SLC25A15: variants seen among roughly 807,000 people sequenced by gnomAD.
The protein encoded by SLC25A15 is solute carrier family 25 member 15, also known as mitochondrial ornithine transporter 1.
SLC25A15 carries 24 observed loss-of-function variants against 32.3 expected under a neutral mutation model. The observed-to-expected ratio is 0.74, with a 90% CI of 0.54 to 1.04. SLC25A15 has a LOEUF of 1.04. SLC25A15 is among the 50% of genes least tolerant of loss of function. The pLI, the probability that SLC25A15 is intolerant of heterozygous loss-of-function variation, is 0.00. For synonymous variants in SLC25A15, 132 were observed against 142.1 expected (o/e 0.93, Z 0.51); for missense variants, 317 against 374.5 (o/e 0.85, Z 1.27).
At chr13:40,805,599 G>A (rs1036642406) in intron 4 of SLC25A15, among the ~76,000 whole-genome samples, 2 of 152,158 alleles carry the variant, frequency 1.3e-5, no homozygotes, top group African/African-American at 4.8e-5. Flanking sequence ...TTAGACCTGA[G>A]CCTTCATAAG....
intron 4 of SLC25A15, among the ~76,000 whole-genome samples, chr13:40,806,922 A>T (rs1281540273): frequency 6.6e-6 from 1 of 152,246 alleles, no homozygotes; most frequent in East Asian, 1.9e-4. Flanking sequence ...ACTTGTTCTC[A>T]GAATTTGTCT....
chr13:40,808,153 C>T (rs911350127), intron 5 of SLC25A15, among the ~76,000 whole-genome samples: 1 of 152,222 alleles, frequency 6.6e-6, no homozygotes, highest in African/African-American at 2.4e-5. Flanking sequence ...CCTGCTGGTT[C>T]GTGTGGGCCA....
chr13:40,799,291 G>C lies in SLC25A15; in HGVS notation c.290G>C (p.Gly97Ala), dbSNP rs1362099592. 6.2e-7 allele frequency: 1 copy of C among 1,614,158 alleles called. No homozygotes were observed. Among genetic ancestry groups the C allele is most frequent in the African/African-American group, 1.3e-5 (1 of 75,018 alleles). ...CAGCAGGTGGTGCGGAAAGTGGCTG[G>C]ATTGGACAAGCAGGCAAAGCTGAGG... ...FCQQVVRKVA[G>A]LDKQAKLSDL... Residue 97 changes from glycine to alanine, a missense_variant, in exon 3 of 7, where the codon GGA becomes GCA. Coordinates refer to ENST00000338625, the MANE Select transcript of SLC25A15 (RefSeq NM_014252.4).
At chr13:40,789,882 CTTG>C (rs1479413852) in intron 1 of SLC25A15, among the ~76,000 whole-genome samples, 1 of 152,148 alleles carries the variant, frequency 6.6e-6, no homozygotes, top group Non-Finnish European at 1.5e-5. Context: ...AACTTTTGTC[CTTG>C]TTTGCCCCCA....
intron 3 of SLC25A15, among the ~76,000 whole-genome samples, chr13:40,803,220 C>T (rs4941993): frequency 1.1e-4 from 14 of 127,410 alleles, no homozygotes; most frequent in African/African-American, 3.5e-4. Flanking sequence ...TCCCCGTATT[C>T]GTTTTTTTTT....
Position 40,805,172 on chromosome 13 carries a change from G to T in SLC25A15, c.369G>T (p.Val123=), listed in dbSNP as rs1882121931. ...GSFASAFAAL[V]LCPTELVKCR... ...TCGCCTCTGCCTTTGCTGCACTGGT[G>T]CTCTGCCCCACGGAGCTCGTGAAGT... is the stretch of plus-strand genomic sequence containing the variant. Residue 123 remains valine, a synonymous_variant, in exon 4 of 7, where the codon GTG becomes GTT. Coordinates refer to ENST00000338625, the MANE Select transcript of SLC25A15 (RefSeq NM_014252.4). 1.2e-6 allele frequency: 2 copies of T among 1,614,078 alleles called. No individual in the cohort carries two copies.
At position 40,809,868 on chromosome 13, in the gene SLC25A15, A is replaced by ACATAGAATAGTCATAG. The variant is rs1196069414; in HGVS notation, c.*201_*202insCATAGAATAGTCATAG. ...ATCATTTCTGTCCATAATTGTACTG[A>ACATAGAATAGTCATAG]AATAGAAAAGTGACCGCTCTTGCTC... On this transcript the variant is annotated 3_prime_UTR_variant, in exon 7 of 7. Coordinates refer to ENST00000338625, the MANE Select transcript of SLC25A15 (RefSeq NM_014252.4). 3.3e-5 allele frequency: 20 copies of ACATAGAATAGTCATAG among 598,274 alleles called. No homozygotes were observed. In the East Asian group the frequency reaches 5.1e-4, roughly 15 times the overall value. 37.1% of individuals were successfully genotyped at this position (598,274 alleles called of 1,614,324 possible). A position where few individuals can be genotyped will look rare whatever the true frequency, so the allele number is the denominator to read the frequency against.
In SLC25A15 at chr13:40,811,418, GGCAGAGGTT is replaced by G. The variant is rs2138062066; in HGVS notation, c.*1756_*1764del. On this transcript the variant is annotated 3_prime_UTR_variant, in exon 7 of 7. Coordinates refer to ENST00000338625, the MANE Select transcript of SLC25A15 (RefSeq NM_014252.4). ...GCAGGAGAATCGCTTGAACCCGGGA[GGCAGAGGTT>G]GCAGTGAACTGAGATTGTGCCACTG... 6.6e-6 allele frequency among the ~76,000 whole-genome samples: 1 copy of G among 152,236 alleles called. No homozygotes were observed. The highest frequency in any genetic ancestry group is 1.5e-5 in the Non-Finnish European group (1 of 68,016).
rs775654159 is a variant in SLC25A15 at position 40,805,157 on chromosome 13, C to A, written c.354C>A (p.Ala118=). The A allele has an allele frequency of 2.5e-6, 4 of 1,614,084 alleles. No individual in the cohort carries two copies. In the African/African-American group the frequency reaches 4.0e-5, roughly 16 times the overall value. Reference sequence around the variant, plus strand: ...CAGCCGCCGGTTCCTTCGCCTCTGCCTTTGCTGCACTGGTGCTCTGCCCCA... The same window carrying A: ...CAGCCGCCGGTTCCTTCGCCTCTGCATTTGCTGCACTGGTGCTCTGCCCCA... ...QNAAAGSFAS[A]FAALVLCPTE... The change falls in exon 4 of 7, where the codon GCC becomes GCA. Residue 118 remains alanine (A), a synonymous_variant. Coordinates refer to ENST00000338625, the MANE Select transcript of SLC25A15 (RefSeq NM_014252.4).
rs1882437993 is a variant in SLC25A15 at position 40,811,267 on chromosome 13, G to A, written c.*1600G>A. On this transcript the variant is annotated 3_prime_UTR_variant, in exon 7 of 7. Coordinates refer to ENST00000338625, the MANE Select transcript of SLC25A15 (RefSeq NM_014252.4). Reference sequence around the variant, plus strand: ...GCACTTTGGGAGGCTGAGGCGGGCGGGTCACAAGGTCAGGAGTTCGAGAAC... The same window carrying A: ...GCACTTTGGGAGGCTGAGGCGGGCGAGTCACAAGGTCAGGAGTTCGAGAAC... Among the ~76,000 whole-genome samples the A allele has an allele frequency of 6.6e-6, 1 of 152,110 alleles. No homozygotes were observed. Among genetic ancestry groups the A allele is most frequent in the South Asian group, 2.1e-4 (1 of 4,830 alleles).
chr13:40,803,396 G>A (rs1881978386), intron 3 of SLC25A15, among the ~76,000 whole-genome samples: 1 of 152,048 alleles, frequency 6.6e-6, no homozygotes. Context: ...TAGTAGAGAC[G>A]GGGTTTTGCC....
rs796900075 is a variant in SLC25A15, at chr13:40,802,578, CT to C, written c.315-2525del. Among the ~76,000 whole-genome samples, 808 of 141,034 alleles carry C rather than the reference CT, an allele frequency of 5.7e-3. 5 individuals are homozygous for C. Among genetic ancestry groups the C allele is most frequent in the African/African-American group, 0.013 (516 of 38,394 alleles). 92.5% of individuals were successfully genotyped at this position (141,034 alleles called of 152,430 possible). ...CCTGAATATGGTAAGTCCATCTGTGCTTTTTTTTTTTTTTTGAGACGGAGTC... is the reference window on the plus strand; with the variant it reads ...CCTGAATATGGTAAGTCCATCTGTGCTTTTTTTTTTTTTTGAGACGGAGTC... On this transcript the variant is annotated intron_variant, in intron 3 of 6. Coordinates refer to ENST00000338625, the MANE Select transcript of SLC25A15 (RefSeq NM_014252.4).
In SLC25A15 at chr13:40,810,522, G is replaced by T. The variant is rs1410071888; in HGVS notation, c.*855G>T. Among the ~76,000 whole-genome samples the T allele has an allele frequency of 6.6e-6, 1 of 152,110 alleles. No homozygotes were observed. The highest frequency in any genetic ancestry group is 2.4e-5 in the African/African-American group (1 of 41,416). Reference sequence around the variant, plus strand: ...GCTTGAAAACTAAAATATCCTTCTAGATTTGTAAGACAGTATACCTGCATA... The same window carrying T: ...GCTTGAAAACTAAAATATCCTTCTATATTTGTAAGACAGTATACCTGCATA... On this transcript the variant is annotated 3_prime_UTR_variant, in exon 7 of 7. Coordinates refer to ENST00000338625, the MANE Select transcript of SLC25A15 (RefSeq NM_014252.4).
At position 40,811,934 on chromosome 13, in the gene SLC25A15, CAG is replaced by C. The variant is rs1882472168; in HGVS notation, c.*2268_*2269del. Reference sequence around the variant, plus strand: ...AGGGATATGAGAGGCTGACAAACATCAGGGGACATCTGGGGAGGAGATCCCTG... The same window carrying C: ...AGGGATATGAGAGGCTGACAAACATCGGGACATCTGGGGAGGAGATCCCTG... On this transcript the variant is annotated 3_prime_UTR_variant, in exon 7 of 7. Transcript: ENST00000338625. Among the ~76,000 whole-genome samples the C allele has an allele frequency of 6.6e-6, 1 of 152,210 alleles. No homozygotes were observed. Among genetic ancestry groups the C allele is most frequent in the Non-Finnish European group, 1.5e-5 (1 of 68,042 alleles).
intron 2 of SLC25A15, among the ~76,000 whole-genome samples, chr13:40,798,136 C>T (rs1881730887): frequency 6.6e-6 from 1 of 152,048 alleles, no homozygotes; most frequent in Non-Finnish European, 1.5e-5. Context: ...AAAAATTAGC[C>T]AGGCGTGGTG....
Position 40,805,100 on chromosome 13 carries a change from C to CT in SLC25A15, c.315-17dup, listed in dbSNP as rs781114752. Reference sequence around the variant, plus strand: ...AATGAAGAAACTGAGGGGTAACTGTCTGCTTGTGTGCTTTCAGTGATCTGC... The same window carrying CT: ...AATGAAGAAACTGAGGGGTAACTGTCTTGCTTGTGTGCTTTCAGTGATCTGC... On this transcript the variant is annotated splice_polypyrimidine_tract_variant and intron_variant, in intron 3 of 6. Coordinates refer to ENST00000338625, the MANE Select transcript of SLC25A15 (RefSeq NM_014252.4). 32 of 1,613,894 alleles carry CT rather than the reference C, an allele frequency of 2.0e-5. No individual in the cohort carries two copies. Among genetic ancestry groups the CT allele is most frequent in the Non-Finnish European group, 2.6e-5 (31 of 1,179,886 alleles).
chr13:40,807,408 T>C lies in SLC25A15; in HGVS notation c.567T>C (p.Gly189=), dbSNP rs1266409173. Residue 189 remains glycine, a synonymous_variant, in exon 5 of 7, where the codon GGT becomes GGC. Coordinates refer to ENST00000338625, the MANE Select transcript of SLC25A15 (RefSeq NM_014252.4). ...REVPGYFFFF[G]GYELSRSFFA... ...TACCAGGCTATTTCTTCTTCTTCGG[T>C]GGCTATGAACTGAGCCGGTCCTTTT... 51 of 1,614,106 alleles carry C rather than the reference T, an allele frequency of 3.2e-5. No homozygotes were observed. The highest frequency in any genetic ancestry group is 4.3e-5 in the Non-Finnish European group (51 of 1,180,032).
rs1362331125 is a variant in SLC25A15 at position 40,808,611 on chromosome 13, G to A, written c.781+15G>A. On this transcript the variant is annotated intron_variant, in intron 6 of 6. Transcript: ENST00000338625. ...GAAAAATGAAGGTGAGTAAATACCTGTTTTTCAAGCATCTATATACATCTT... is the reference window on the plus strand; with the variant it reads ...GAAAAATGAAGGTGAGTAAATACCTATTTTTCAAGCATCTATATACATCTT... 1.9e-6 allele frequency: 3 copies of A among 1,596,736 alleles called. No homozygotes were observed. The Middle Eastern group carries it at 5.0e-4, about 264-fold the overall frequency.
chr13:40,789,988 C>T (rs1470820827), intron 1 of SLC25A15, among the ~76,000 whole-genome samples: 4 of 152,164 alleles, frequency 2.6e-5, no homozygotes, highest in African/African-American at 9.7e-5. Context: ...GCTGGCTGCC[C>T]AGGAGTGGGC....
Sources: gnomAD v4.1 joint callset for allele counts (sites outside exome capture counted in the v4.1 genomes callset) on GRCh38, gnomAD v4.1.1 for gene constraint, MANE v1.5 for transcripts, NCBI Gene and HGNC (gene_info 2026-07-23, HGNC 2026-07-21) for gene names.